Variants in TMEM232 observed in about 807,000 individuals in gnomAD.
TMEM232 encodes transmembrane protein 232.
In TMEM232, 80 loss-of-function variants were observed where a neutral mutation model predicts 78.8. The observed-to-expected ratio is 1.01, with a 90% CI of 0.85 to 1.22. The LOEUF (loss-of-function observed/expected upper bound fraction) is 1.22. Ranked by LOEUF, TMEM232 falls within the 50% of genes most tolerant of loss-of-function variation. TMEM232 has a pLI of 0.00. For missense variants in TMEM232, 881 were observed against 742.2 expected (o/e 1.19, Z -2.17); for synonymous variants, 297 against 254.3 (o/e 1.17, Z -1.60).
chr5:110,532,407 C>T (rs1383035563), intron 11 of TMEM232, among the ~76,000 whole-genome samples: 1 of 151,738 alleles, frequency 6.6e-6, no homozygotes, highest in Non-Finnish European at 1.5e-5. Context: ...CCGTCCCCTT[C>T]TTAATCAATA....
rs191803662 is a variant in TMEM232, at chr5:110,618,424, C to G, written c.902+5G>C. 63 of 1,550,226 alleles carry G rather than the reference C, an allele frequency of 4.1e-5. 2 individuals are homozygous for G. In the Admixed American group the frequency reaches 1.2e-3, roughly 31 times the overall value. On this transcript the variant is annotated splice_donor_5th_base_variant and intron_variant, in intron 8 of 13. Coordinates refer to ENST00000455884, the MANE Select transcript of TMEM232 (RefSeq NM_001039763.4). ...GTTACTTTGGATTTATAGGATCACT[C>G]TTACCAGCATTTCTTTTGAAGCTGT...
intron 11 of TMEM232, among the ~76,000 whole-genome samples, chr5:110,530,479 G>A (rs1771285004): frequency 6.6e-6 from 1 of 152,128 alleles, no homozygotes; most frequent in Non-Finnish European, 1.5e-5. Flanking sequence ...CAAGCTAAGT[G>A]TCCATCAACA....
chr5:110,585,021 G>A (rs1778646555), intron 10 of TMEM232, among the ~76,000 whole-genome samples: 1 of 152,108 alleles, frequency 6.6e-6, no homozygotes, highest in South Asian at 2.1e-4. Flanking sequence ...TCAGCTACAG[G>A]TGGATTTTAG....
At chr5:110,681,474 T>G (rs1327773444) in intron 1 of TMEM232, among the ~76,000 whole-genome samples, 1 of 152,152 alleles carries the variant, frequency 6.6e-6, no homozygotes, top group Non-Finnish European at 1.5e-5. Context: ...CTAAGCAGAG[T>G]TGCCTGAGGA....
At chr5:110,604,946 A>G (rs1296808073) in intron 10 of TMEM232, among the ~76,000 whole-genome samples, 163 bp downstream of exon 10, 3 of 152,158 alleles carry the variant, frequency 2.0e-5, no homozygotes, top group Admixed American at 6.6e-5. Flanking sequence ...ACAGAGTGAC[A>G]CCTGGCCTCA....
chr5:110,664,983 T>C (rs1790370965), intron 2 of TMEM232, among the ~76,000 whole-genome samples: 1 of 152,208 alleles, frequency 6.6e-6, no homozygotes, highest in Non-Finnish European at 1.5e-5. Flanking sequence ...TCTGGTTTGC[T>C]ATGAGATTAT....
At chr5:110,620,579 C>CTCTA (rs1783516168) in intron 7 of TMEM232, among the ~76,000 whole-genome samples, 2 of 1,946 alleles carry the variant, frequency 1.0e-3, no homozygotes, top group African/African-American at 1.4e-3. Context: ...TCTCTCATAT[C>CTCTA]TCTCTCTCTC....
intron 12 of TMEM232, among the ~76,000 whole-genome samples, chr5:110,428,335 T>G (rs549954435): frequency 6.6e-6 from 1 of 152,036 alleles, no homozygotes; most frequent in South Asian, 2.1e-4. Context: ...TAGCACAATA[T>G]TCACTTTAGA....
chr5:110,691,683 A>G (rs1354553887), intron 1 of TMEM232, among the ~76,000 whole-genome samples: 1 of 152,180 alleles, frequency 6.6e-6, no homozygotes, highest in Non-Finnish European at 1.5e-5. Context: ...CAAAGGCAAG[A>G]TATAATAAGT....
At chr5:110,496,943 A>T (rs1381426505) in intron 12 of TMEM232, among the ~76,000 whole-genome samples, 1 of 152,058 alleles carries the variant, frequency 6.6e-6, no homozygotes, top group Non-Finnish European at 1.5e-5. Flanking sequence ...AAATCTACAG[A>T]GTGCTGTATT....
At chr5:110,631,295 A>G (rs1217013428) in intron 5 of TMEM232, among the ~76,000 whole-genome samples, 1 of 152,172 alleles carries the variant, frequency 6.6e-6, no homozygotes, top group African/African-American at 2.4e-5. Flanking sequence ...TTCCTGTCTG[A>G]GGCTATGAGA....
chr5:110,531,452 A>T (rs1771461546), intron 11 of TMEM232, among the ~76,000 whole-genome samples: 1 of 152,136 alleles, frequency 6.6e-6, no homozygotes, highest in Admixed American at 6.5e-5. Context: ...AGCCCAAGAA[A>T]CATCTCACTA....
chr5:110,404,639 A>C (rs946553703), intron 2 of TMEM232, among the ~76,000 whole-genome samples: 1 of 152,130 alleles, frequency 6.6e-6, no homozygotes, highest in African/African-American at 2.4e-5. Flanking sequence ...AGAGCTAAAA[A>C]ATCTTTTCAA....
chr5:110,436,014 G>A (rs1313308665), intron 12 of TMEM232, among the ~76,000 whole-genome samples: 2 of 151,844 alleles, frequency 1.3e-5, no homozygotes, highest in African/African-American at 4.8e-5. Flanking sequence ...TTTACTTTTA[G>A]TTTTCAGAGG....
At chr5:110,417,071 C>T (rs914144481), downstream of TMEM232, among the ~76,000 whole-genome samples, 1 of 152,056 alleles carries the variant, frequency 6.6e-6, no homozygotes, top group African/African-American at 2.4e-5. Context: ...AAATTGCTTT[C>T]GTGGTTACTA....
chr5:110,509,443 A>T (rs1232024219), intron 12 of TMEM232, among the ~76,000 whole-genome samples: 2 of 152,088 alleles, frequency 1.3e-5, no homozygotes, highest in African/African-American at 2.4e-5. Context: ...TCCAAAACAA[A>T]GTCTGATAGA....
intron 12 of TMEM232, among the ~76,000 whole-genome samples, chr5:110,477,442 T>C (rs996802456): frequency 3.3e-5 from 5 of 152,056 alleles, no homozygotes; most frequent in Middle Eastern, 3.4e-3. Flanking sequence ...AGTCCAGCTT[T>C]CTTTGTATTA....
At chr5:110,696,466 G>C (rs1486856118) in intron 1 of TMEM232, among the ~76,000 whole-genome samples, 1 of 152,116 alleles carries the variant, frequency 6.6e-6, no homozygotes, top group African/African-American at 2.4e-5. Flanking sequence ...AATTAGGCAG[G>C]AGAAGGAAAT....
At chr5:110,445,790 CT>C (rs1020181869) in intron 12 of TMEM232, among the ~76,000 whole-genome samples, 3 of 151,986 alleles carry the variant, frequency 2.0e-5, no homozygotes, top group African/African-American at 7.2e-5. Flanking sequence ...AAAGACATGA[CT>C]TTTTTTGCCA....
Sources: allele counts gnomAD v4.1 joint callset (sites outside exome capture counted in the v4.1 genomes callset), GRCh38; gene constraint gnomAD v4.1.1; transcripts MANE v1.5; gene names NCBI Gene and HGNC (gene_info 2026-07-23, HGNC 2026-07-21).